The following ANKRD36C variants were observed in gnomAD, a reference collection of about 807,000 sequenced individuals.
ANKRD36C encodes the protein ankyrin repeat domain 36C.
In ANKRD36C, 61 loss-of-function variants were observed where a neutral mutation model predicts 276.4. That is an observed-to-expected ratio of 0.22 (90% CI 0.18 to 0.27). The LOEUF (loss-of-function observed/expected upper bound fraction) is 0.27. Ranked by LOEUF, ANKRD36C falls within the 10% of genes least tolerant of loss-of-function variation. The pLI is 1.00. For synonymous variants in ANKRD36C, 483 were observed against 680.1 expected (o/e 0.71, Z 4.51); for missense variants, 1,447 against 2,032.3 (o/e 0.71, Z 5.54).
At chr2:95,853,198 G>A (rs1675331205) in intron 64 of ANKRD36C, 1 of 153,782 alleles carries the variant, frequency 6.5e-6, no homozygotes, top group Non-Finnish European at 1.4e-5. Flanking sequence ...TCAGTAAAAT[G>A]GCCTTTCTGA....
At chr2:95,891,271 C>T (rs112882232) in intron 46 of ANKRD36C, among the ~76,000 whole-genome samples, 14 of 150,968 alleles carry the variant, frequency 9.3e-5, no homozygotes, top group East Asian at 5.9e-4. Context: ...ACAGTGTCTA[C>T]GGGTTGTTAC....
At chr2:95,876,720 T>C (rs12468037) in intron 58 of ANKRD36C, among the ~76,000 whole-genome samples, 38,685 of 128,566 alleles carry the variant, frequency 0.3, 6,452 homozygotes, top group East Asian at 0.58. Flanking sequence ...GGCGTGGTGG[T>C]GGGCGCCTGT....
rs187462692 is a variant in ANKRD36C, at chr2:95,917,564, G to A, written c.2347+291C>T. 2.4e-3 allele frequency among the ~76,000 whole-genome samples: 358 copies of A among 151,542 alleles called. 2 individuals are homozygous for A. Among genetic ancestry groups the A allele is most frequent in the Admixed American group, 4.8e-3 (73 of 15,198 alleles). On this transcript the variant is annotated intron_variant, in intron 36 of 66. Transcript: ENST00000456556. ...AGTGAAACCATGCTGTAGAATTAAAGCAAAACTATGCTGTTCCCCAGAGCC... is the reference window on the plus strand; with the variant it reads ...AGTGAAACCATGCTGTAGAATTAAAACAAAACTATGCTGTTCCCCAGAGCC...
rs1679063164 is a variant in ANKRD36C, at chr2:95,987,843, G to A, written c.198-637C>T. Among the ~76,000 whole-genome samples the A allele has an allele frequency of 4.6e-5, 7 of 151,622 alleles. No individual in the cohort carries two copies. In the South Asian group the frequency reaches 1.5e-3, roughly 31 times the overall value. ...ATGATACAATCATATCTACATTGAG[G>A]TATCTATTAAAGATTAGATGTATCG... On this transcript the variant is annotated intron_variant, in intron 1 of 66. Transcript: ENST00000456556.
In ANKRD36C at chr2:95,988,901, C is replaced by T. The variant is rs868089793; in HGVS notation, c.198-1695G>A. Among the ~76,000 whole-genome samples, 3 of 152,146 alleles carry T rather than the reference C, an allele frequency of 2.0e-5. No individual in the cohort carries two copies. In the South Asian group the frequency reaches 6.2e-4, roughly 32 times the overall value. ...ATAAAAATAAGGCCAGGCACAGTGGCTCACACCTGTAATCCCAGAACTTTG... is the reference window on the plus strand; with the variant it reads ...ATAAAAATAAGGCCAGGCACAGTGGTTCACACCTGTAATCCCAGAACTTTG... On this transcript the variant is annotated intron_variant, in intron 1 of 66. Coordinates refer to ENST00000456556, the Ensembl canonical transcript of ANKRD36C.
intron 44 of ANKRD36C, 76 bp downstream of exon 60, chr2:95,897,194 C>T: frequency 8.6e-7 from 1 of 1,167,166 alleles, no homozygotes; most frequent in Non-Finnish European, 1.2e-6. Context: ...AACGAGCCCC[C>T]CGCTGATTTA....
At chr2:95,894,593 T>C (rs1417205464) in intron 44 of ANKRD36C, among the ~76,000 whole-genome samples, 2 of 151,402 alleles carry the variant, frequency 1.3e-5, no homozygotes, top group Admixed American at 6.6e-5. Context: ...GGGAGTATCA[T>C]GTTATGTTCT....
intron 3 of ANKRD36C, 119 bp downstream of exon 3, chr2:95,986,632 A>G: frequency 8.3e-7 from 1 of 1,199,024 alleles, no homozygotes. Flanking sequence ...AGGCATTTCA[A>G]AATATTTTCA....
Position 95,878,267 on chromosome 2 carries a change from TTAA to T in ANKRD36C, c.3470-1761_3470-1759del, listed in dbSNP as rs1244210121. ...AAAAAATTAAATTTCCACAGACTTA[TTAA>T]TAACATTTTATACTTCAAAATCAGT... On this transcript the variant is annotated intron_variant, in intron 58 of 66. Transcript: ENST00000456556. 2.6e-5 allele frequency among the ~76,000 whole-genome samples: 4 copies of T among 152,190 alleles called. No individual in the cohort carries two copies. In the South Asian group the frequency reaches 6.2e-4, roughly 24 times the overall value.
intron 6 of ANKRD36C, among the ~76,000 whole-genome samples, chr2:95,963,956 T>A (rs1231425258): frequency 1.7e-4 from 16 of 92,456 alleles, no homozygotes; most frequent in African/African-American, 7.1e-4. Flanking sequence ...TATATATATA[T>A]AAATATATAT....
intron 36 of ANKRD36C, 122 bp downstream of exon 38, chr2:95,917,733 G>A (rs1439571257): frequency 7.0e-6 from 9 of 1,287,102 alleles, no homozygotes; most frequent in East Asian, 2.5e-5. Flanking sequence ...TCTCAGGACT[G>A]CTGGATCAGA....
At chr2:95,916,796 T>C (rs1558638875) in intron 36 of ANKRD36C, among the ~76,000 whole-genome samples, 1 of 151,662 alleles carries the variant, frequency 6.6e-6, no homozygotes, top group Non-Finnish European at 1.5e-5. Context: ...ATCCACTAGT[T>C]TAGCCTTCCT....
intron 16 of ANKRD36C, among the ~76,000 whole-genome samples, chr2:95,949,212 T>C (rs1005170675): frequency 1.7e-4 from 26 of 152,134 alleles, no homozygotes; most frequent in East Asian, 5.8e-4. Flanking sequence ...AAAGTACAAA[T>C]GTACTTTGGG....
chr2:95,903,006 T>C (rs1296920036), intron 42 of ANKRD36C, 47 bp downstream of exon 53: 12 of 1,571,984 alleles, frequency 7.6e-6, no homozygotes, highest in Non-Finnish European at 9.5e-6. Flanking sequence ...GTATGCTTCA[T>C]AGACTATACA....
exon 30 of ANKRD36C, chr2:95,925,370 C>G (rs749782348): frequency 1.9e-6 from 3 of 1,579,862 alleles, no homozygotes; most frequent in Non-Finnish European, 2.6e-6. Context: ...GATTTCCCAC[C>G]GCCCGTTATT....
At chr2:95,977,654 A>G (rs1240977278) in intron 6 of ANKRD36C, among the ~76,000 whole-genome samples, 2 of 152,072 alleles carry the variant, frequency 1.3e-5, no homozygotes, top group Non-Finnish European at 2.9e-5. Context: ...TATATAATAT[A>G]TACAACATAC....
chr2:95,894,075 T>C (rs1308113128), intron 44 of ANKRD36C: 2 of 332,020 alleles, frequency 6.0e-6, no homozygotes, highest in African/African-American at 4.3e-5. Context: ...TCAAAGCAGG[T>C]GCTACATGAT....
intron 50 of ANKRD36C, among the ~76,000 whole-genome samples, chr2:95,887,035 T>A (rs1676218563): frequency 6.6e-6 from 1 of 151,420 alleles, no homozygotes; most frequent in South Asian, 2.1e-4. Context: ...CAATATTCAT[T>A]GAAAATTACC....
chr2:95,987,225 T>C lies in ANKRD36C; in HGVS notation c.198-19A>G. The C allele has an allele frequency of 6.6e-7, 1 of 1,519,936 alleles. No homozygotes were observed. The highest frequency in any genetic ancestry group is 8.8e-7 in the Non-Finnish European group (1 of 1,135,602). The allele number at this position is 1,519,936 out of a possible 1,614,324, so 94.2% of individuals were successfully genotyped here. On this transcript the variant is annotated intron_variant, in intron 1 of 66. Transcript: ENST00000456556. The stretch of plus-strand genomic sequence containing the variant: ...GGCGGTCCTGTGAGAGTGACAGGAC[T>C]TTTTAAAACATGTAACTGTAAGCAT...
Sources: allele counts gnomAD v4.1 joint callset (sites outside exome capture counted in the v4.1 genomes callset), GRCh38; gene constraint gnomAD v4.1.1; transcripts MANE v1.5; gene names NCBI Gene and HGNC (gene_info 2026-07-23, HGNC 2026-07-21).